Variants in NF1 observed in about 807,000 individuals in gnomAD.
NF1 encodes the protein neurofibromin 1.
NF1 carries 122 observed loss-of-function variants against 325.7 expected under a neutral mutation model. The observed-to-expected ratio is 0.37, with a 90% CI of 0.32 to 0.44. NF1 has a LOEUF of 0.44. Among genes scored for constraint, NF1 ranks in the 20% least tolerant of loss-of-function variants. The pLI, the probability that NF1 is intolerant of heterozygous loss-of-function variation, is 1.00. For synonymous variants in NF1, 1,091 were observed against 1,186.0 expected, an observed-to-expected ratio of 0.92 and a Z score of 1.65; for missense variants, 2,140 against 3,415.4, an observed-to-expected ratio of 0.63 and a Z score of 9.31.
chr17:31,341,594 A>AAGTGT (rs1555535280), intron 47 of NF1, among the ~76,000 whole-genome samples: 5 of 145,042 alleles, frequency 3.4e-5, no homozygotes, highest in African/African-American at 1.3e-4. Context: ...ATATATATAA[A>AAGTGT]GTGTGTGTGT....
intron 1 of NF1, chr17:31,138,384 C>T (rs1234998723): frequency 6.6e-6 from 1 of 152,310 alleles, no homozygotes; most frequent in Non-Finnish European, 1.5e-5. Context: ...CTGCCTCAGC[C>T]TCCTGAGTAG....
intron 36 of NF1, among the ~76,000 whole-genome samples, chr17:31,280,213 T>TA (rs2068089760): frequency 6.6e-6 from 1 of 150,932 alleles, no homozygotes; most frequent in African/African-American, 2.5e-5. Flanking sequence ...TTTTTTAATT[T>TA]TTTTTTTTTT....
chr17:31,363,697 A>G (rs189683391), intron 57 of NF1, among the ~76,000 whole-genome samples: 3 of 150,882 alleles, frequency 2.0e-5, no homozygotes, highest in South Asian at 4.2e-4. Flanking sequence ...CAGCCTCCCA[A>G]AGTGCTGGGA....
chr17:31,334,295 CA>C lies in NF1; in HGVS notation c.5813-529del, dbSNP rs199925524. 0.015 allele frequency among the ~76,000 whole-genome samples: 1,826 copies of C among 119,240 alleles called. 30 individuals carry two copies. Among genetic ancestry groups the C allele is most frequent in the East Asian group, 0.1 (430 of 4,286 alleles). The allele number at this position is 119,240 out of a possible 152,430, so 78.2% of individuals were successfully genotyped here. A position where few individuals can be genotyped will look rare whatever the true frequency, so the allele number is the denominator to read the frequency against. Reference sequence around the variant, plus strand: ...CTGGGCGACAGAGGAGACTCCATCTCAAAAAAAAAAAAAATGAATAATCTCA... The same window carrying C: ...CTGGGCGACAGAGGAGACTCCATCTCAAAAAAAAAAAAATGAATAATCTCA... On this transcript the variant is annotated intron_variant, in intron 39 of 57. Coordinates refer to ENST00000358273, the MANE Select transcript of NF1 (RefSeq NM_001042492.3).
intron 1 of NF1, among the ~76,000 whole-genome samples, chr17:31,109,677 C>T (rs1228344311): frequency 1.3e-5 from 2 of 152,130 alleles, no homozygotes; most frequent in African/African-American, 4.8e-5. Context: ...AGCCACCATG[C>T]CTTGGCCTCA....
intron 36 of NF1, among the ~76,000 whole-genome samples, chr17:31,321,220 A>G (rs1409224092): frequency 6.6e-6 from 1 of 152,202 alleles, no homozygotes; most frequent in Non-Finnish European, 1.5e-5. Context: ...TTATTTTTTA[A>G]CTTTTGAAAA....
chr17:31,304,948 A>C, intron 36 of NF1: 1 of 1,614,182 alleles, frequency 6.2e-7, no homozygotes, highest in Non-Finnish European at 8.5e-7. Flanking sequence ...AAGTACAATG[A>C]TGATTATAGC....
chr17:31,347,692 A>T (rs1245983349), intron 48 of NF1, among the ~76,000 whole-genome samples: 7 of 149,702 alleles, frequency 4.7e-5, no homozygotes, highest in African/African-American at 1.7e-4. Context: ...TGGCGAGAAG[A>T]AAAGAAGCCT....
chr17:31,103,995 T>A (rs1240814347), intron 1 of NF1, among the ~76,000 whole-genome samples: 1 of 152,118 alleles, frequency 6.6e-6, no homozygotes, highest in Non-Finnish European at 1.5e-5. Context: ...CACTCTGGCC[T>A]GGGTGAGACC....
intron 50 of NF1, among the ~76,000 whole-genome samples, chr17:31,350,824 A>G (rs1054373910): frequency 6.6e-6 from 1 of 152,230 alleles, no homozygotes; most frequent in South Asian, 2.1e-4. Context: ...ATTTTTCAGT[A>G]TAATTTAGAG....
At chr17:31,240,851 G>A (rs2067284389) in intron 29 of NF1, among the ~76,000 whole-genome samples, 1 of 152,020 alleles carries the variant, frequency 6.6e-6, no homozygotes, top group African/African-American at 2.4e-5. Flanking sequence ...ACCTTTTCAT[G>A]TACCTGTTTG....
At chr17:31,369,382 A>G (rs1033976193) in intron 57 of NF1, among the ~76,000 whole-genome samples, 2 of 152,150 alleles carry the variant, frequency 1.3e-5, no homozygotes, top group Non-Finnish European at 2.9e-5. Flanking sequence ...AACCACCACA[A>G]TTTATTGAAA....
chr17:31,152,537 T>G (rs1917019035), intron 1 of NF1, among the ~76,000 whole-genome samples: 1 of 149,204 alleles, frequency 6.7e-6, no homozygotes, highest in Non-Finnish European at 1.5e-5. Context: ...CTTTCCTCCT[T>G]AGTCCCCCCT....
intron 1 of NF1, among the ~76,000 whole-genome samples, chr17:31,149,674 T>C (rs1354672529): frequency 1.3e-5 from 2 of 152,114 alleles, no homozygotes; most frequent in African/African-American, 4.8e-5. Context: ...GAATGGGGAA[T>C]TGGAGGATCA....
intron 36 of NF1, chr17:31,273,710 A>T (rs2067948198): frequency 6.6e-6 from 1 of 152,184 alleles, no homozygotes; most frequent in Non-Finnish European, 1.5e-5. Flanking sequence ...TTGACCTGCC[A>T]TTTGCTCTTT....
At chr17:31,116,618 A>G (rs1183946654) in intron 1 of NF1, among the ~76,000 whole-genome samples, 1 of 152,076 alleles carries the variant, frequency 6.6e-6, no homozygotes, top group Non-Finnish European at 1.5e-5. Flanking sequence ...ATCACTCAAT[A>G]TAGTTAGAAA....
intron 1 of NF1, among the ~76,000 whole-genome samples, chr17:31,146,642 C>CT (rs1916609190): frequency 6.6e-6 from 1 of 152,106 alleles, no homozygotes; most frequent in African/African-American, 2.4e-5. Context: ...TTGTTTTTAT[C>CT]TTTTTTCTTT....
intron 1 of NF1, among the ~76,000 whole-genome samples, chr17:31,105,178 C>T (rs560545456): frequency 5.4e-4 from 82 of 152,098 alleles, no homozygotes; most frequent in Non-Finnish European, 1.0e-3. Flanking sequence ...GAATTACAGG[C>T]GTGAACTACT....
chr17:31,132,187 T>G (rs548884228), intron 1 of NF1, among the ~76,000 whole-genome samples: 1 of 151,448 alleles, frequency 6.6e-6, no homozygotes. Context: ...CTTTCTTGGC[T>G]TCCAAAAGTG....
Sources: allele counts gnomAD v4.1 joint callset (sites outside exome capture counted in the v4.1 genomes callset), GRCh38; gene constraint gnomAD v4.1.1; transcripts MANE v1.5; gene names NCBI Gene and HGNC (gene_info 2026-07-23, HGNC 2026-07-21).